ELK3: variants seen among roughly 807,000 people sequenced by gnomAD.
The protein encoded by ELK3 is ETS transcription factor ELK3.
Under a neutral mutation model 28.9 loss-of-function variants are expected in ELK3, and 10 were observed. That is an observed-to-expected ratio of 0.35 (90% CI 0.21 to 0.59). The LOEUF (loss-of-function observed/expected upper bound fraction) is 0.59, where lower values mean the gene tolerates loss of function less well. Among genes scored for constraint, ELK3 ranks in the 20% least tolerant of loss-of-function variants. The pLI is 0.82. For missense variants in ELK3, 463 were observed against 517.3 expected, an observed-to-expected ratio of 0.90 and a Z score of 1.02; for synonymous variants, 272 against 243.5, an observed-to-expected ratio of 1.12 and a Z score of -1.09.
rs1952031055 is a variant in ELK3 at position 96,266,482 on chromosome 12, T to C, written c.1126-600T>C. On this transcript the variant is annotated intron_variant, in intron 4 of 4. Coordinates refer to ENST00000228741, the MANE Select transcript of ELK3 (RefSeq NM_005230.4). ...TATTTATCATCTTAGTGAACAACAA[T>C]ACAGAAATCTTATTCTTTGTCACTT... is the stretch of plus-strand genomic sequence containing the variant. Among the ~76,000 whole-genome samples, 4 of 152,096 alleles carry C rather than the reference T, an allele frequency of 2.6e-5. No homozygotes were observed. In the South Asian group the frequency reaches 8.3e-4, roughly 31 times the overall value.
chr12:96,255,059 A>G (rs1337903786), intron 3 of ELK3, among the ~76,000 whole-genome samples: 4 of 152,096 alleles, frequency 2.6e-5, no homozygotes, highest in South Asian at 2.1e-4. Flanking sequence ...GTAGGATGCT[A>G]TTGGAATATT....
chr12:96,195,633 C>A (rs1445417398), intron 1 of ELK3, among the ~76,000 whole-genome samples: 1 of 151,998 alleles, frequency 6.6e-6, no homozygotes, highest in African/African-American at 2.4e-5. Context: ...AATGTTATTT[C>A]AGAAACTGCA....
chr12:96,237,009 C>CCGT (rs1951789842), intron 2 of ELK3, among the ~76,000 whole-genome samples: 1 of 152,204 alleles, frequency 6.6e-6, no homozygotes, highest in South Asian at 2.1e-4. Context: ...CGTCCCATGA[C>CCGT]CACCTTCCCT....
rs1278508006 is a variant in ELK3 at position 96,247,779 on chromosome 12, C to T, written c.1002+45C>T. ...TCTAAGCCACAGCCAGCTTCAGTGG[C>T]TTAGCAAAAAAGGAAGAGCAACTAA... On this transcript the variant is annotated intron_variant, in intron 3 of 4. Transcript: ENST00000228741. The surrounding 1 kb of genome is among the most constrained non-coding windows in gnomAD (Gnocchi z 5.5). The T allele has an allele frequency of 6.8e-7, 1 of 1,465,826 alleles. No individual in the cohort carries two copies. Among genetic ancestry groups the T allele is most frequent in the East Asian group, 2.5e-5 (1 of 40,448 alleles). 90.8% of individuals were successfully genotyped at this position (1,465,826 alleles called of 1,614,324 possible). A position where few individuals can be genotyped will look rare whatever the true frequency, so the allele number is the denominator to read the frequency against.
At position 96,247,030 on chromosome 12, in the gene ELK3, A is replaced by G; in HGVS notation, c.298A>G (p.Ile100Val). The G allele has an allele frequency of 1.2e-6, 2 of 1,614,140 alleles. No individual in the cohort carries two copies. Among genetic ancestry groups the G allele is most frequent in the Non-Finnish European group, 1.7e-6 (2 of 1,180,002 alleles). ...GAAGATGGATCCTCACGCGGTGGAG[A>G]TCAGCCGGGAGAGCCTTCTGCTGCA... ...ILKMDPHAVEISRESLLLQDS... is the reference protein window; with the variant it reads ...ILKMDPHAVEVSRESLLLQDS... Residue 100 changes from isoleucine (I) to valine (V), a missense_variant, in exon 3 of 5, where the codon ATC becomes GTC. Physicochemically the swap from Ile to Val is conservative, Grantham distance 29. Coordinates refer to ENST00000228741, the MANE Select transcript of ELK3 (RefSeq NM_005230.4). The surrounding 1 kb of genome is among the most constrained non-coding windows in gnomAD (Gnocchi z 5.5).
intron 1 of ELK3, among the ~76,000 whole-genome samples, chr12:96,220,825 G>T (rs1159521815): frequency 6.6e-6 from 1 of 152,090 alleles, no homozygotes; most frequent in African/African-American, 2.4e-5. Flanking sequence ...TGTGTAACCA[G>T]TTGCCCCAAG....
chr12:96,252,517 G>C (rs1373711424), intron 3 of ELK3, among the ~76,000 whole-genome samples: 1 of 152,112 alleles, frequency 6.6e-6, no homozygotes, highest in Non-Finnish European at 1.5e-5. Context: ...ATTCATGGGA[G>C]GAGGTCAAAA....
intron 2 of ELK3, among the ~76,000 whole-genome samples, chr12:96,239,443 C>T (rs554661554): frequency 6.6e-6 from 1 of 152,132 alleles, no homozygotes; most frequent in Admixed American, 6.5e-5. Context: ...AGGTGGTGGA[C>T]AGTTGGATAT....
At chr12:96,203,450 A>G (rs1262177479) in intron 1 of ELK3, among the ~76,000 whole-genome samples, 2 of 152,094 alleles carry the variant, frequency 1.3e-5, no homozygotes, top group Admixed American at 6.6e-5. Flanking sequence ...CATCCTTTGT[A>G]TTATCTCAGC....
rs186062913 is a variant in ELK3, at chr12:96,241,924, C to T, written c.208-5016C>T. Among the ~76,000 whole-genome samples, 24 of 152,312 alleles carry T rather than the reference C, an allele frequency of 1.6e-4. No homozygotes were observed. The East Asian group carries it at 2.9e-3, about 18-fold the overall frequency. ...CCGTAACCTCACATGGAATGCCTGC[C>T]GGGCAAAGAGGCAGCCCTTTTGCAA... On this transcript the variant is annotated intron_variant, in intron 2 of 4. Transcript: ENST00000228741.
intron 1 of ELK3, among the ~76,000 whole-genome samples, chr12:96,206,097 T>A (rs183316312): frequency 4.5e-4 from 69 of 152,284 alleles, no homozygotes; most frequent in Non-Finnish European, 9.4e-4. Context: ...TTGATTTCAA[T>A]CAGAGCTGAA....
intron 1 of ELK3, among the ~76,000 whole-genome samples, chr12:96,214,329 G>C (rs898935937): frequency 6.6e-6 from 1 of 152,060 alleles, no homozygotes; most frequent in African/African-American, 2.4e-5. Context: ...TACTCGGGAG[G>C]CTGAGGCACG....
chr12:96,247,977 A>G lies in ELK3; in HGVS notation c.1002+243A>G, dbSNP rs185244938. On this transcript the variant is annotated intron_variant, in intron 3 of 4. Coordinates refer to ENST00000228741, the MANE Select transcript of ELK3 (RefSeq NM_005230.4). The surrounding 1 kb of genome is among the most constrained non-coding windows in gnomAD (Gnocchi z 5.5). ...ATTGGTTTCTTGCTTTTAGCGGCCT[A>G]AAGTGACCATAGGTGGAACACGCAC... 1.3e-5 allele frequency among the ~76,000 whole-genome samples: 2 copies of G among 152,340 alleles called. No individual in the cohort carries two copies. Among genetic ancestry groups the G allele is most frequent in the East Asian group, 3.9e-4 (2 of 5,182 alleles).
intron 3 of ELK3, among the ~76,000 whole-genome samples, chr12:96,252,840 A>T (rs2137037242): frequency 6.6e-6 from 1 of 152,370 alleles, no homozygotes; most frequent in Non-Finnish European, 1.5e-5. Context: ...ACTTTACATT[A>T]CATTACTTAG....
intron 4 of ELK3, among the ~76,000 whole-genome samples, chr12:96,265,117 A>G (rs1952020431): frequency 6.6e-6 from 1 of 152,298 alleles, no homozygotes; most frequent in African/African-American, 2.4e-5. Flanking sequence ...AAGTCCAAGC[A>G]TGGTACTGGA....
intron 4 of ELK3, among the ~76,000 whole-genome samples, chr12:96,266,176 T>G (rs1156842568): frequency 1.3e-5 from 2 of 152,224 alleles, no homozygotes; most frequent in Non-Finnish European, 2.9e-5. Context: ...GTTTGAAAAT[T>G]GCAAAAACAT....
intron 2 of ELK3, among the ~76,000 whole-genome samples, chr12:96,226,824 G>C (rs774392974): frequency 4.0e-5 from 6 of 151,860 alleles, no homozygotes; most frequent in Non-Finnish European, 7.4e-5. Flanking sequence ...GGGGGAGGAA[G>C]ATAAGAAGAA....
intron 1 of ELK3, among the ~76,000 whole-genome samples, chr12:96,211,001 A>G (rs1343936218): frequency 6.6e-6 from 1 of 152,224 alleles, no homozygotes; most frequent in East Asian, 1.9e-4. Flanking sequence ...TTGGAGCCAG[A>G]TGCCCCTGGA....
chr12:96,241,426 T>TTGTGTGTG (rs57658963), intron 2 of ELK3, among the ~76,000 whole-genome samples: 1,585 of 146,434 alleles, frequency 0.011, 22 homozygotes, highest in African/African-American at 0.022. Flanking sequence ...AGTGGAGCGT[T>TTGTGTGTG]TGTGTGTGTG....
Sources: gnomAD v4.1 joint callset for allele counts (sites outside exome capture counted in the v4.1 genomes callset) on GRCh38, gnomAD v4.1.1 for gene constraint, Gnocchi (gnomAD v3.1) non-coding constraint, MANE v1.5 for transcripts, NCBI Gene and HGNC (gene_info 2026-07-23, HGNC 2026-07-21) for gene names.